Variants in ACOXL observed in about 807,000 individuals in gnomAD.
The protein encoded by ACOXL is acyl-CoA oxidase like, also known as acyl-coenzyme A oxidase-like protein.
A neutral mutation model predicts 71.9 loss-of-function variants in ACOXL; 70 were observed. The ratio of observed to expected loss-of-function variants is 0.97; its 90% CI spans 0.80 to 1.19. The LOEUF (loss-of-function observed/expected upper bound fraction) is 1.19, where lower values mean the gene tolerates loss of function less well. Among genes scored for constraint, ACOXL ranks in the 50% most tolerant of loss-of-function variants. The pLI, the probability that ACOXL is intolerant of heterozygous loss-of-function variation, is 0.00. For synonymous variants in ACOXL, 253 were observed against 281.6 expected (o/e 0.90, Z 1.02); for missense variants, 703 against 736.3 (o/e 0.95, Z 0.52).
At chr2:110,955,049 A>G (rs928829778) in intron 12 of ACOXL, among the ~76,000 whole-genome samples, 1 of 152,032 alleles carries the variant, frequency 6.6e-6, no homozygotes, top group African/African-American at 2.4e-5. Flanking sequence ...GTCATGACCT[A>G]TGGTTTCACT....
intron 10 of ACOXL, among the ~76,000 whole-genome samples, chr2:110,892,961 T>A (rs2220092): frequency 0.31 from 47,385 of 152,078 alleles, 7,745 homozygotes; most frequent in Middle Eastern, 0.38. Context: ...TGGTAGATTT[T>A]TTCCCATATC....
At chr2:111,033,810 T>C (rs2065386203) in intron 15 of ACOXL, among the ~76,000 whole-genome samples, 1 of 152,148 alleles carries the variant, frequency 6.6e-6, no homozygotes, top group South Asian at 2.1e-4. Context: ...GGTGTGGCCC[T>C]GGCTCCTCCC....
chr2:111,106,176 C>G lies in ACOXL; in HGVS notation c.1543-11440C>G, dbSNP rs111908206. 5.3e-5 allele frequency among the ~76,000 whole-genome samples: 8 copies of G among 152,254 alleles called. No homozygotes were observed. The South Asian group carries it at 1.7e-3, about 32-fold the overall frequency. ...ATCATTTTTTAAAAATAATTACACA[C>G]GTTCCTGACCCTCTGTTCATTATAT... On this transcript the variant is annotated intron_variant, in intron 17 of 17. Coordinates refer to ENST00000439055, the MANE Select transcript of ACOXL (RefSeq NM_001142807.4).
At position 110,864,075 on chromosome 2, in the gene ACOXL, C is replaced by G. The variant is rs144156847; in HGVS notation, c.788+22670C>G. Among the ~76,000 whole-genome samples the G allele has an allele frequency of 3.7e-3, 570 of 152,034 alleles. 10 individuals carry two copies. The highest frequency in any genetic ancestry group is 0.013 in the African/African-American group (542 of 41,334). ...AGTGACACTATGCTTAGAAGAGCCC[C>G]TGAGTATATATACCCTGTTGACTCT... On this transcript the variant is annotated intron_variant, in intron 10 of 17. Coordinates refer to ENST00000439055, the MANE Select transcript of ACOXL (RefSeq NM_001142807.4).
intron 17 of ACOXL, 43 bp from the exon 18 acceptor site, chr2:111,117,573 G>C: frequency 6.5e-7 from 1 of 1,546,806 alleles, no homozygotes; most frequent in African/African-American, 1.4e-5. Context: ...ATGGCTGTAA[G>C]TGTGCCAACA....
intron 10 of ACOXL, chr2:110,887,428 T>G (rs1697434494): frequency 6.6e-6 from 1 of 152,338 alleles, no homozygotes; most frequent in Non-Finnish European, 1.5e-5. Context: ...TTCCTAGCAT[T>G]TCAACTTGGG....
chr2:111,031,874 T>A (rs1341949998), intron 15 of ACOXL, among the ~76,000 whole-genome samples, 160 bp downstream of exon 15: 2 of 152,232 alleles, frequency 1.3e-5, no homozygotes, highest in Non-Finnish European at 2.9e-5. Flanking sequence ...GACTTGAAGC[T>A]TGTGGTAAAT....
At chr2:110,909,231 A>G (rs1036626827) in intron 11 of ACOXL, among the ~76,000 whole-genome samples, 3 of 152,128 alleles carry the variant, frequency 2.0e-5, no homozygotes, top group African/African-American at 7.2e-5. Context: ...TGAACAGTTA[A>G]AAGTTCTTTA....
chr2:110,998,991 G>A (rs1389765310), intron 14 of ACOXL, among the ~76,000 whole-genome samples: 2 of 152,230 alleles, frequency 1.3e-5, no homozygotes, highest in Non-Finnish European at 2.9e-5. Flanking sequence ...GTAAATGTGT[G>A]TTGGGAAACA....
At chr2:111,024,856 AAAAG>A (rs1391404943) in intron 14 of ACOXL, among the ~76,000 whole-genome samples, 1 of 150,858 alleles carries the variant, frequency 6.6e-6, no homozygotes, top group South Asian at 2.1e-4. Context: ...GATTTAAAAA[AAAAG>A]AAATCCATTT....
intron 9 of ACOXL, among the ~76,000 whole-genome samples, chr2:110,805,735 T>G (rs752133455): frequency 1.7e-4 from 26 of 152,240 alleles, no homozygotes; most frequent in Non-Finnish European, 3.7e-4. Flanking sequence ...TTGGCCCATG[T>G]GGGCAAAGGT....
chr2:110,942,633 C>G (rs1461430305), intron 12 of ACOXL, among the ~76,000 whole-genome samples: 1 of 151,942 alleles, frequency 6.6e-6, no homozygotes, highest in East Asian at 1.9e-4. Flanking sequence ...CACCTGTAAT[C>G]CCAGCACTTT....
intron 12 of ACOXL, among the ~76,000 whole-genome samples, chr2:110,947,084 G>A (rs2061137817): frequency 6.6e-6 from 1 of 152,188 alleles, no homozygotes; most frequent in African/African-American, 2.4e-5. Context: ...CTTTGAACGT[G>A]TTGAAAACCC....
At chr2:110,753,702 G>C (rs905573530) in intron 1 of ACOXL, among the ~76,000 whole-genome samples, 5 of 152,134 alleles carry the variant, frequency 3.3e-5, no homozygotes, top group Non-Finnish European at 7.3e-5. Flanking sequence ...ATTTGTGTGG[G>C]CATGTAATTT....
At chr2:111,013,866 G>A (rs1427931870) in intron 14 of ACOXL, among the ~76,000 whole-genome samples, 2 of 148,510 alleles carry the variant, frequency 1.3e-5, no homozygotes, top group Admixed American at 6.7e-5. Flanking sequence ...CACGAATATA[G>A]GTGAAAATAC....
At chr2:110,886,972 A>C (rs550924346) in intron 10 of ACOXL, 3 of 1,177,850 alleles carry the variant, frequency 2.5e-6, no homozygotes, top group African/African-American at 1.5e-5. Flanking sequence ...CACTATCCCA[A>C]ACTTTTTATC....
intron 12 of ACOXL, among the ~76,000 whole-genome samples, chr2:110,950,289 A>T (rs1164134205): frequency 6.6e-6 from 1 of 152,178 alleles, no homozygotes; most frequent in Non-Finnish European, 1.5e-5. Flanking sequence ...CTAGGTTAGT[A>T]GGTCCTATCT....
chr2:110,933,500 C>T lies in ACOXL; in HGVS notation c.917C>T (p.Ala306Val). The change falls in exon 12 of 18, where the codon GCC becomes GTC. Residue 306 changes from alanine to valine, a missense_variant. Ala to Val is a moderately conservative substitution (Grantham distance 64). Coordinates refer to ENST00000439055, the MANE Select transcript of ACOXL (RefSeq NM_001142807.4). ...GCTTTGTCCTGCAGGTATGCTGGGG[C>T]CCTCCTGGATGAGGATGTCTTCCAG... ...ALTFVSRYAG[A>V]LLDEDVFQGK... 1 of 1,613,892 alleles carries T rather than the reference C, an allele frequency of 6.2e-7. No homozygotes were observed. The highest frequency in any genetic ancestry group is 8.5e-7 in the Non-Finnish European group (1 of 1,179,852).
intron 2 of ACOXL, among the ~76,000 whole-genome samples, chr2:110,770,001 C>T (rs1038835882): frequency 3.3e-5 from 5 of 152,046 alleles, no homozygotes; most frequent in African/African-American, 1.2e-4. Context: ...ATGATCGCAC[C>T]ACCGCACTCC....
Sources: gnomAD v4.1 joint callset for allele counts (sites outside exome capture counted in the v4.1 genomes callset) on GRCh38, gnomAD v4.1.1 for gene constraint, MANE v1.5 for transcripts, NCBI Gene and HGNC (gene_info 2026-07-23, HGNC 2026-07-21) for gene names.